Variants in JMJD1C observed in about 807,000 individuals in gnomAD.
The protein encoded by JMJD1C is jumonji domain-containing protein 1C.
In JMJD1C, 31 loss-of-function variants were observed where a neutral mutation model predicts 245.3. That is an observed-to-expected ratio of 0.13 (90% CI 0.09 to 0.17). The LOEUF (loss-of-function observed/expected upper bound fraction) is 0.17, where lower values mean the gene tolerates loss of function less well. Among genes scored for constraint, JMJD1C ranks in the 10% least tolerant of loss-of-function variants. The pLI, the probability that JMJD1C is intolerant of heterozygous loss-of-function variation, is 1.00. For synonymous variants in JMJD1C, 1,057 were observed against 1,017.4 expected, an observed-to-expected ratio of 1.04 and a Z score of -0.74; for missense variants, 2,691 against 3,000.2, an observed-to-expected ratio of 0.90 and a Z score of 2.41.
chr10:63,288,166 CT>C (rs1249094548), intron 2 of JMJD1C, among the ~76,000 whole-genome samples: 1 of 152,070 alleles, frequency 6.6e-6, no homozygotes, highest in Non-Finnish European at 1.5e-5. Context: ...ACTGTATGTA[CT>C]GAAAAAAAAT....
chr10:63,521,698 G>A lies in JMJD1C; in HGVS notation n.113+40C>T, dbSNP rs1468551523. 7.9e-6 allele frequency: 5 copies of A among 633,318 alleles called. No homozygotes were observed. In the South Asian group the frequency reaches 1.6e-4, roughly 21 times the overall value. The allele number at this position is 633,318 out of a possible 1,614,324, so 39.2% of individuals were successfully genotyped here. A position where few individuals can be genotyped will look rare whatever the true frequency, so the allele number is the denominator to read the frequency against. On this transcript the variant is annotated intron_variant and non_coding_transcript_variant, in intron 1 of 3. Transcript: ENST00000633035. ...GGCGGGGACGGGGTAGCCCGGCCTCGGGCCTGCCGAGGGTCTGGGGGAGCC... is the reference window on the plus strand; with the variant it reads ...GGCGGGGACGGGGTAGCCCGGCCTCAGGCCTGCCGAGGGTCTGGGGGAGCC...
chr10:63,252,066 T>C (rs370506623), intron 3 of JMJD1C, among the ~76,000 whole-genome samples: 1 of 152,016 alleles, frequency 6.6e-6, no homozygotes, highest in East Asian at 1.9e-4. Flanking sequence ...TCTATACCTA[T>C]CCCAATGGCT....
chr10:63,331,692 A>G (rs1462406742), intron 2 of JMJD1C, among the ~76,000 whole-genome samples: 1 of 152,178 alleles, frequency 6.6e-6, no homozygotes, highest in Admixed American at 6.5e-5. Context: ...AGCTCACTAT[A>G]ACCTCTGCTT....
intron 17 of JMJD1C, among the ~76,000 whole-genome samples, chr10:63,190,243 C>T (rs775924885): frequency 6.6e-5 from 10 of 152,048 alleles, no homozygotes; most frequent in Non-Finnish European, 1.3e-4. Flanking sequence ...CTCGCTCTGT[C>T]GCCCAGGCTG....
At chr10:63,269,571 T>G (rs1251346053) in intron 2 of JMJD1C, among the ~76,000 whole-genome samples, 1 of 152,210 alleles carries the variant, frequency 6.6e-6, no homozygotes, top group East Asian at 1.9e-4. Context: ...TGTATGTTTT[T>G]GGGCACGATT....
In JMJD1C at chr10:63,207,744, G is replaced by A; in HGVS notation, c.3925C>T (p.Pro1309Ser). The change falls in exon 10 of 26, where the codon CCA (proline) becomes TCA (serine). Residue 1309 changes from proline to serine, a missense_variant. Around this residue, in one of 9 missense-constraint regions of JMJD1C, gnomAD observed 1,562 missense variants for 1,490.7 expected, o/e 1.05. Transcript: ENST00000399262. ...QAAMASVIVRPSSSTKTDSMP... is the reference protein window; with the variant it reads ...QAAMASVIVRSSSSTKTDSMP... ...CTATCAGTTTTTGTACTAGAAGATGGACGCACAATGACAGATGCCATAGCA... is the reference window on the plus strand; with the variant it reads ...CTATCAGTTTTTGTACTAGAAGATGAACGCACAATGACAGATGCCATAGCA... 6.2e-7 allele frequency: 1 copy of A among 1,614,174 alleles called. No homozygotes were observed. Among genetic ancestry groups the A allele is most frequent in the Non-Finnish European group, 8.5e-7 (1 of 1,180,020 alleles).
intron 2 of JMJD1C, among the ~76,000 whole-genome samples, chr10:63,372,112 C>A (rs905713536): frequency 3.9e-5 from 6 of 152,210 alleles, no homozygotes; most frequent in African/African-American, 1.4e-4. Flanking sequence ...GAACTCTATT[C>A]TCCTTTGAGG....
At chr10:63,515,207 T>C (rs757032141) in intron 1 of JMJD1C, among the ~76,000 whole-genome samples, 1 of 152,194 alleles carries the variant, frequency 6.6e-6, no homozygotes, top group Non-Finnish European at 1.5e-5. Context: ...AATTTCCTTT[T>C]CTCCATGTGG....
intron 1 of JMJD1C, among the ~76,000 whole-genome samples, chr10:63,411,852 C>G (rs1564892299): frequency 1.3e-5 from 2 of 151,862 alleles, no homozygotes; most frequent in Non-Finnish European, 1.5e-5. Context: ...TCCCACCTAC[C>G]TTGGCCTCCC....
At chr10:63,354,521 A>C (rs1944637931) in intron 2 of JMJD1C, among the ~76,000 whole-genome samples, 1 of 151,758 alleles carries the variant, frequency 6.6e-6, no homozygotes, top group African/African-American at 2.4e-5. Context: ...TTTTTTATTT[A>C]TTACAACTGA....
intron 2 of JMJD1C, 99 bp from the exon 3 acceptor site, chr10:63,264,863 C>T: frequency 1.6e-6 from 1 of 630,078 alleles, no homozygotes; most frequent in Non-Finnish European, 2.8e-6. Flanking sequence ...GTCATTATCA[C>T]TACAGAGTCT....
At chr10:63,311,097 G>A (rs1939122581) in intron 2 of JMJD1C, among the ~76,000 whole-genome samples, 1 of 151,902 alleles carries the variant, frequency 6.6e-6, no homozygotes, top group African/African-American at 2.4e-5. Flanking sequence ...CCGGCCGGGT[G>A]CAGTGGCTCA....
At chr10:63,272,129 T>C (rs954822604) in intron 2 of JMJD1C, among the ~76,000 whole-genome samples, 2 of 151,574 alleles carry the variant, frequency 1.3e-5, no homozygotes, top group Admixed American at 1.3e-4. Flanking sequence ...CAATTTAGTA[T>C]ATGATGAACT....
At chr10:63,270,153 C>A (rs1485434635) in intron 2 of JMJD1C, among the ~76,000 whole-genome samples, 2 of 152,062 alleles carry the variant, frequency 1.3e-5, no homozygotes, top group Non-Finnish European at 2.9e-5. Flanking sequence ...GACAAGAATG[C>A]TCTAATAGTA....
chr10:63,419,631 C>A (rs990728607), intron 1 of JMJD1C, among the ~76,000 whole-genome samples: 2 of 151,882 alleles, frequency 1.3e-5, no homozygotes, highest in Non-Finnish European at 2.9e-5. Flanking sequence ...GGTAAAGACC[C>A]TGATTGAGTT....
At chr10:63,337,583 G>GA (rs1318103518) in intron 2 of JMJD1C, among the ~76,000 whole-genome samples, 15 of 91,310 alleles carry the variant, frequency 1.6e-4, no homozygotes, top group Middle Eastern at 5.2e-3. Context: ...GAAAAGAAAA[G>GA]AAAAGAAAAG....
intron 23 of JMJD1C, 52 bp downstream of exon 23, chr10:63,177,665 G>T (rs1202784145): frequency 6.3e-7 from 1 of 1,586,268 alleles, no homozygotes; most frequent in South Asian, 1.1e-5. Context: ...CGGCAACAAT[G>T]AATAAGTCCT....
At chr10:63,231,105 C>T (rs1223270394) in intron 3 of JMJD1C, among the ~76,000 whole-genome samples, 1 of 152,090 alleles carries the variant, frequency 6.6e-6, no homozygotes, top group Non-Finnish European at 1.5e-5. Flanking sequence ...TAGAGCCAAG[C>T]ACTTGGGACA....
chr10:63,426,971 G>A (rs1237852740), intron 1 of JMJD1C, among the ~76,000 whole-genome samples: 13 of 152,090 alleles, frequency 8.5e-5, no homozygotes, highest in South Asian at 2.1e-4. Context: ...CCTTTGCTTC[G>A]ATTATTTCCT....
Sources: allele counts gnomAD v4.1 joint callset (sites outside exome capture counted in the v4.1 genomes callset), GRCh38; gene constraint gnomAD v4.1.1; regional missense constraint gnomAD v4.1.1; transcripts MANE v1.5; gene names NCBI Gene and HGNC (gene_info 2026-07-23, HGNC 2026-07-21).